The following LRRK2 variants were observed in gnomAD, a reference collection of about 807,000 sequenced individuals.
LRRK2 encodes the protein leucine-rich repeat serine/threonine-protein kinase 2.
A neutral mutation model predicts 302.6 loss-of-function variants in LRRK2; 203 were observed. The observed-to-expected ratio is 0.67, with a 90% CI of 0.60 to 0.75. The LOEUF is 0.75. Ranked by LOEUF, LRRK2 falls within the 30% of genes least tolerant of loss-of-function variation. The pLI is 0.00. For missense variants in LRRK2, 2,830 were observed against 2,951.0 expected, an observed-to-expected ratio of 0.96 and a Z score of 0.95; for synonymous variants, 1,066 against 1,031.9, an observed-to-expected ratio of 1.03 and a Z score of -0.63.
chr12:40,339,350 G>A (rs1166195263), intron 40 of LRRK2, among the ~76,000 whole-genome samples: 1 of 152,230 alleles, frequency 6.6e-6, no homozygotes, highest in Non-Finnish European at 1.5e-5. Flanking sequence ...AGAGAAGACA[G>A]AGTTGGAAAT....
chr12:40,257,314 A>G lies in LRRK2; in HGVS notation c.1355A>G (p.His452Arg), dbSNP rs368389682. ...HLNVLELMQK[H>R]IHSPEVAESG... Reference sequence around the variant, plus strand: ...AATGTTTTGGAGTTAATGCAGAAGCATATACATTCTCCTGAAGTGGCTGAA... The same window carrying G: ...AATGTTTTGGAGTTAATGCAGAAGCGTATACATTCTCCTGAAGTGGCTGAA... Residue 452 changes from histidine to arginine, a missense_variant, in exon 12 of 51, where the codon CAT (histidine) becomes CGT (arginine). Around this residue, in one of 3 missense-constraint regions of LRRK2, gnomAD observed 2,121 missense variants for 2,148.0 expected, o/e 0.99. Coordinates refer to ENST00000298910, the MANE Select transcript of LRRK2 (RefSeq NM_198578.4). 2.5e-6 allele frequency: 4 copies of G among 1,610,560 alleles called. No homozygotes were observed. In the African/African-American group the frequency reaches 4.0e-5, roughly 16 times the overall value.
At chr12:40,233,998 A>G (rs1463510826) in intron 3 of LRRK2, among the ~76,000 whole-genome samples, 1 of 152,184 alleles carries the variant, frequency 6.6e-6, no homozygotes, top group Admixed American at 6.5e-5. Context: ...ATTGTAAAAC[A>G]GATTTCTCTT....
intron 7 of LRRK2, among the ~76,000 whole-genome samples, chr12:40,244,120 G>C (rs1941868303): frequency 6.6e-6 from 1 of 152,030 alleles, no homozygotes; most frequent in Non-Finnish European, 1.5e-5. Flanking sequence ...AAGCTACCCT[G>C]GGCTTCTTCC....
chr12:40,319,138 G>A (rs991882781), intron 33 of LRRK2, among the ~76,000 whole-genome samples: 4 of 152,004 alleles, frequency 2.6e-5, no homozygotes, highest in Non-Finnish European at 4.4e-5. Flanking sequence ...AAGTGAATTT[G>A]ACAAAGCAAA....
chr12:40,333,987 G>A (rs1480303306), intron 39 of LRRK2, among the ~76,000 whole-genome samples: 6 of 152,152 alleles, frequency 3.9e-5, no homozygotes, highest in East Asian at 1.9e-4. Context: ...TGCTGAGGCC[G>A]TGGAAGTAGA....
At position 40,238,084 on chromosome 12, in the gene LRRK2, A is replaced by G. The variant is rs569349272; in HGVS notation, c.552A>G (p.Leu184=). The part of the protein sequence containing the change: ...DEVQKLGCKA[L]HVLFERVSEE... ...TCCAGAAACTTGGATGCAAAGCTTT[A>G]CATGTGCTGTTTGAGAGAGGTATTT... is the stretch of plus-strand genomic sequence containing the variant. Residue 184 remains leucine (L), a synonymous_variant, in exon 5 of 51, where the codon TTA becomes TTG. Transcript: ENST00000298910. 4 of 1,613,662 alleles carry G rather than the reference A, an allele frequency of 2.5e-6. No individual in the cohort carries two copies. The highest frequency in any genetic ancestry group is 2.5e-6 in the Non-Finnish European group (3 of 1,179,758).
chr12:40,296,764 G>A (rs149242147), intron 23 of LRRK2, among the ~76,000 whole-genome samples: 129 of 152,158 alleles, frequency 8.5e-4, no homozygotes, highest in South Asian at 2.3e-3. Context: ...TTTCTCTAAA[G>A]TTTTTATATC....
intron 20 of LRRK2, among the ~76,000 whole-genome samples, chr12:40,289,832 A>G (rs1592230780): frequency 6.6e-6 from 1 of 151,880 alleles, no homozygotes; most frequent in Non-Finnish European, 1.5e-5. Context: ...GTACCTTATT[A>G]TAGATTCTAC....
chr12:40,305,047 A>C (rs1421078602), intron 27 of LRRK2: 1 of 152,066 alleles, frequency 6.6e-6, no homozygotes, highest in Admixed American at 6.6e-5. Context: ...AAATTTCTGC[A>C]TTCCGCCACC....
In LRRK2 at chr12:40,251,376, T is replaced by C; in HGVS notation, c.1101+2T>C. On this transcript the variant is annotated splice_donor_variant, in intron 9 of 50. Coordinates refer to ENST00000298910, the MANE Select transcript of LRRK2 (RefSeq NM_198578.4). LOFTEE classifies it high-confidence loss of function. ...CATAGAAAGAACAAGCACGTGCAGG[T>C]AGGACTCTCATAAATATTAGAGTTA... 1.2e-6 allele frequency: 2 copies of C among 1,613,966 alleles called. No individual in the cohort carries two copies. The highest frequency in any genetic ancestry group is 8.5e-7 in the Non-Finnish European group (1 of 1,179,894).
At chr12:40,275,363 T>C (rs1943406161) in intron 16 of LRRK2, among the ~76,000 whole-genome samples, 1 of 152,228 alleles carries the variant, frequency 6.6e-6, no homozygotes, top group Admixed American at 6.5e-5. Flanking sequence ...CCTTTAGTAA[T>C]TTTGCTTGTT....
At chr12:40,233,003 A>G (rs1414768966) in intron 3 of LRRK2, among the ~76,000 whole-genome samples, 1 of 152,214 alleles carries the variant, frequency 6.6e-6, no homozygotes, top group African/African-American at 2.4e-5. Context: ...TTAATTAAGA[A>G]AATATTTTCT....
chr12:40,349,535 G>A (rs1164344189), intron 43 of LRRK2, among the ~76,000 whole-genome samples: 1 of 130,200 alleles, frequency 7.7e-6, no homozygotes, highest in Non-Finnish European at 1.7e-5. Flanking sequence ...TTATTTAGAG[G>A]CAGGGTCTCA....
rs75524445 is a variant in LRRK2 at position 40,232,767 on chromosome 12, A to G, written c.347+384A>G. On this transcript the variant is annotated intron_variant, in intron 3 of 50. Transcript: ENST00000298910. ...GGGAACTGAGAAAAGTTAGTTCTGT[A>G]AGTAGTAATTTGAAAGTTGATGTTC... 1.5e-4 allele frequency: 26 copies of G among 168,894 alleles called. No individual in the cohort carries two copies. The East Asian group carries it at 4.0e-3, about 26-fold the overall frequency. The allele number at this position is 168,894 out of a possible 1,614,324, so 10.5% of individuals were successfully genotyped here.
rs150224676 is a variant in LRRK2, at chr12:40,227,084, T to C, written c.237+1444T>C. Reference sequence around the variant, plus strand: ...CAAGCCTGAGCATACTTGTCCGGAGTAGTTATGAGTGTCACTTAGTATTTC... The same window carrying C: ...CAAGCCTGAGCATACTTGTCCGGAGCAGTTATGAGTGTCACTTAGTATTTC... On this transcript the variant is annotated intron_variant, in intron 2 of 50. Coordinates refer to ENST00000298910, the MANE Select transcript of LRRK2 (RefSeq NM_198578.4). Among the ~76,000 whole-genome samples the C allele has an allele frequency of 5.3e-5, 8 of 152,182 alleles. No individual in the cohort carries two copies. The East Asian group carries it at 1.2e-3, about 22-fold the overall frequency.
At chr12:40,349,278 C>T (rs1173976488) in intron 43 of LRRK2, among the ~76,000 whole-genome samples, 1 of 152,126 alleles carries the variant, frequency 6.6e-6, no homozygotes, top group East Asian at 1.9e-4. Flanking sequence ...TATTTTTCCT[C>T]CAGTATTACC....
intron 25 of LRRK2, among the ~76,000 whole-genome samples, chr12:40,300,490 A>G (rs985999894): frequency 6.6e-6 from 1 of 152,238 alleles, no homozygotes; most frequent in East Asian, 1.9e-4. Context: ...ATTTAATAGC[A>G]GAATATGGCT....
rs1945826453 is a variant in LRRK2, at chr12:40,335,030, C to T, written c.5821C>T (p.Arg1941Cys). 3.7e-6 allele frequency: 6 copies of T among 1,614,126 alleles called. No individual in the cohort carries two copies. The highest frequency in any genetic ancestry group is 4.2e-6 in the Non-Finnish European group (5 of 1,179,992). The change falls in exon 40 of 51, where the codon CGT (arginine) becomes TGT (cysteine). Residue 1941 changes from arginine to cysteine, a missense_variant. Arg to Cys is a radical substitution (Grantham distance 180). Coordinates refer to ENST00000298910, the MANE Select transcript of LRRK2 (RefSeq NM_198578.4). ...SLISLLAAGIRPRMLVMELAS... is the reference protein window; with the variant it reads ...SLISLLAAGICPRMLVMELAS... ...GATATCTTTGCTGGCAGCTGGGATTCGTCCCCGGATGTTGGTGATGGAGTT... is the reference window on the plus strand; with the variant it reads ...GATATCTTTGCTGGCAGCTGGGATTTGTCCCCGGATGTTGGTGATGGAGTT...
At chr12:40,252,881 T>C in intron 10 of LRRK2, 29 bp from the exon 11 acceptor site, 2 of 1,389,202 alleles carry the variant, frequency 1.4e-6, no homozygotes, top group Non-Finnish European at 2.0e-6. Flanking sequence ...AAAAGATTAC[T>C]ACTAACATTT....
Sources: allele counts gnomAD v4.1 joint callset (sites outside exome capture counted in the v4.1 genomes callset), GRCh38; gene constraint gnomAD v4.1.1; regional missense constraint gnomAD v4.1.1; transcripts MANE v1.5; gene names NCBI Gene and HGNC (gene_info 2026-07-23, HGNC 2026-07-21).